Variants in SLC24A2 observed in about 807,000 individuals in gnomAD.
SLC24A2 encodes the protein solute carrier family 24 member 2.
Under a neutral mutation model 62.0 loss-of-function variants are expected in SLC24A2, and 36 were observed. That is an observed-to-expected ratio of 0.58 (90% confidence interval 0.44 to 0.77). The LOEUF (loss-of-function observed/expected upper bound fraction) is 0.77. SLC24A2 is among the 30% of genes least tolerant of loss of function. The pLI is 0.00. For missense variants in SLC24A2, 846 were observed against 817.9 expected (o/e 1.03, Z -0.42); for synonymous variants, 358 against 294.0 (o/e 1.22, Z -2.23).
the SLC24A2 span, among the ~76,000 whole-genome samples, chr9:20,064,641 AACAGGATC>A: frequency 6.6e-6 from 1 of 152,204 alleles, no homozygotes; most frequent in African/African-American, 2.4e-5. Context: ...TGGAAATGTA[AACAGGATC>A]ACAACTGATG....
At chr9:20,306,546 T>G in the SLC24A2 span, among the ~76,000 whole-genome samples, 1 of 152,204 alleles carries the variant, frequency 6.6e-6, no homozygotes, top group African/African-American at 2.4e-5. Context: ...CTCCATCTCC[T>G]GCCTGAGGAC....
chr9:19,899,242 G>A, the SLC24A2 span, among the ~76,000 whole-genome samples: 2 of 152,212 alleles, frequency 1.3e-5, no homozygotes, highest in African/African-American at 4.8e-5. Flanking sequence ...AGAGAGAAAG[G>A]GGAAATTGCC....
the SLC24A2 span, among the ~76,000 whole-genome samples, chr9:19,818,453 C>T: frequency 1.3e-5 from 2 of 152,030 alleles, no homozygotes; most frequent in African/African-American, 4.8e-5. Flanking sequence ...CCCCGAAAAC[C>T]CTAAAGACTC....
chr9:20,073,155 C>T, the SLC24A2 span, among the ~76,000 whole-genome samples: 14 of 152,168 alleles, frequency 9.2e-5, no homozygotes, highest in Admixed American at 2.6e-4. Context: ...TCAGGTCTCA[C>T]CAAGCTGTGA....
the SLC24A2 span, among the ~76,000 whole-genome samples, chr9:20,005,843 G>A: frequency 1.4e-5 from 2 of 146,614 alleles, no homozygotes; most frequent in African/African-American, 5.1e-5. Context: ...CAAGAACTCC[G>A]AGATCCCATT....
chr9:19,779,605 G>A (rs1822950123), intron 2 of SLC24A2, among the ~76,000 whole-genome samples: 1 of 152,096 alleles, frequency 6.6e-6, no homozygotes. Context: ...CAGGAATAGA[G>A]GGAAAAAACT....
At chr9:19,620,873 C>T (rs1587050050) in intron 3 of SLC24A2, among the ~76,000 whole-genome samples, 1 of 152,202 alleles carries the variant, frequency 6.6e-6, no homozygotes, top group African/African-American at 2.4e-5. Flanking sequence ...CTATGTCTTT[C>T]AAACTTCTGC....
intron 2 of SLC24A2, among the ~76,000 whole-genome samples, chr9:19,750,756 G>A (rs974560032): frequency 6.6e-6 from 1 of 152,176 alleles, no homozygotes; most frequent in African/African-American, 2.4e-5. Flanking sequence ...GCTTTGGTCT[G>A]TTTCCAGCTT....
At chr9:19,983,739 A>G in the SLC24A2 span, among the ~76,000 whole-genome samples, 6 of 152,228 alleles carry the variant, frequency 3.9e-5, no homozygotes, top group African/African-American at 1.4e-4. Flanking sequence ...ATTGCATGCA[A>G]TTGAATATAA....
At chr9:20,268,234 G>C in the SLC24A2 span, among the ~76,000 whole-genome samples, 3 of 152,172 alleles carry the variant, frequency 2.0e-5, no homozygotes, top group Non-Finnish European at 4.4e-5. Flanking sequence ...GAGCAGAGGA[G>C]AGGGCGCTCC....
chr9:20,126,875 A>G, the SLC24A2 span, among the ~76,000 whole-genome samples: 1 of 152,148 alleles, frequency 6.6e-6, no homozygotes, highest in South Asian at 2.1e-4. Context: ...GCCTCTGTCT[A>G]TAGGGTATAT....
At chr9:20,108,411 C>A in the SLC24A2 span, among the ~76,000 whole-genome samples, 1 of 152,018 alleles carries the variant, frequency 6.6e-6, no homozygotes, top group East Asian at 1.9e-4. Context: ...ATGTTTATTG[C>A]GGCACTATTC....
chr9:20,047,585 G>T, the SLC24A2 span, among the ~76,000 whole-genome samples: 5 of 141,030 alleles, frequency 3.5e-5, no homozygotes, highest in African/African-American at 1.3e-4. Flanking sequence ...CCTCCATGAG[G>T]AAGTGGGCCC....
At chr9:19,983,886 T>C in the SLC24A2 span, among the ~76,000 whole-genome samples, 1 of 152,126 alleles carries the variant, frequency 6.6e-6, no homozygotes, top group Non-Finnish European at 1.5e-5. Context: ...TGGAAAGACA[T>C]TCCATGTTCA....
At chr9:19,911,806 G>A in the SLC24A2 span, among the ~76,000 whole-genome samples, 3 of 152,156 alleles carry the variant, frequency 2.0e-5, no homozygotes, top group Admixed American at 1.3e-4. Context: ...ATGCACCATC[G>A]CTATCACTTG....
At chr9:19,792,643 G>A (rs566366606), upstream of SLC24A2, among the ~76,000 whole-genome samples, 1 of 152,070 alleles carries the variant, frequency 6.6e-6, no homozygotes, top group African/African-American at 2.4e-5. Flanking sequence ...GGGATGCGGA[G>A]GGTGCAGTGA....
chr9:19,754,102 A>T (rs552531303), intron 2 of SLC24A2, among the ~76,000 whole-genome samples: 2 of 152,220 alleles, frequency 1.3e-5, no homozygotes, highest in Non-Finnish European at 2.9e-5. Flanking sequence ...ATGAAGGTAA[A>T]AAAGCTTACT....
the SLC24A2 span, among the ~76,000 whole-genome samples, chr9:20,053,627 G>A: frequency 6.6e-6 from 1 of 152,088 alleles, no homozygotes; most frequent in African/African-American, 2.4e-5. Flanking sequence ...GAACCCTGAT[G>A]AATGAGATTA....
the SLC24A2 span, among the ~76,000 whole-genome samples, chr9:19,920,328 T>C: frequency 6.6e-6 from 1 of 152,206 alleles, no homozygotes; most frequent in South Asian, 2.1e-4. Flanking sequence ...ACGGAGTTAG[T>C]TTTTGGACAA....
Sources: allele counts gnomAD v4.1 joint callset (sites outside exome capture counted in the v4.1 genomes callset), GRCh38; gene constraint gnomAD v4.1.1; transcripts MANE v1.5; gene names NCBI Gene and HGNC (gene_info 2026-07-23, HGNC 2026-07-21).